CASS4: variants seen among roughly 807,000 people sequenced by gnomAD.
The protein encoded by CASS4 is cas scaffolding protein family member 4.
Under a neutral mutation model 54.2 loss-of-function variants are expected in CASS4, and 22 were observed. The observed-to-expected ratio is 0.41, with a 90% CI of 0.29 to 0.58. The LOEUF (loss-of-function observed/expected upper bound fraction) is 0.58. CASS4 is among the 20% of genes least tolerant of loss of function. The probability of loss-of-function intolerance (pLI) is 0.36; values close to 1 mark genes in which losing one functional copy is unlikely to be tolerated. For synonymous variants in CASS4, 409 were observed against 391.5 expected, an observed-to-expected ratio of 1.04 and a Z score of -0.53; for missense variants, 854 against 986.7, an observed-to-expected ratio of 0.87 and a Z score of 1.80.
chr20:56,444,920 G>T (rs554950056), intron 2 of CASS4, among the ~76,000 whole-genome samples: 7 of 152,140 alleles, frequency 4.6e-5, no homozygotes, highest in African/African-American at 1.7e-4. Context: ...AGACCAGCCC[G>T]ACCAATATGG....
rs993076041 is a variant in CASS4 at position 56,458,911 on chromosome 20, A to T, written c.*164A>T. 161 of 656,382 alleles carry T rather than the reference A, an allele frequency of 2.5e-4. No individual in the cohort carries two copies. Among genetic ancestry groups the T allele is most frequent in the Middle Eastern group, 8.3e-4 (2 of 2,396 alleles). The allele number at this position is 656,382 out of a possible 1,614,324, so 40.7% of individuals were successfully genotyped here. On this transcript the variant is annotated 3_prime_UTR_variant, in exon 6 of 6. Transcript: ENST00000679887. ...CCAAGTGGCTAAGCAACCCCAGGGC[A>T]TTGACTTACCCCGCAGGGGGTCAGG...
chr20:56,424,064 C>T (rs1368198930), intron 1 of CASS4, among the ~76,000 whole-genome samples: 1 of 152,170 alleles, frequency 6.6e-6, no homozygotes, highest in Non-Finnish European at 1.5e-5. Flanking sequence ...TTCCCTTCAG[C>T]ATCTCTCACT....
At chr20:56,440,050 A>T (rs1980384577) in intron 2 of CASS4, among the ~76,000 whole-genome samples, 1 of 152,238 alleles carries the variant, frequency 6.6e-6, no homozygotes, top group Non-Finnish European at 1.5e-5. Flanking sequence ...GAAAGTGTTG[A>T]TTCCTTAGAA....
Position 56,458,618 on chromosome 20 carries a change from C to G in CASS4, c.2232C>G (p.Leu744=). 6.2e-7 allele frequency: 1 copy of G among 1,613,990 alleles called. No individual in the cohort carries two copies. The highest frequency in any genetic ancestry group is 8.5e-7 in the Non-Finnish European group (1 of 1,179,976). ...LRGSSHLCSL[L]KDVALATKNA... is the part of the protein sequence containing the mutation. ...GCAGCAGTCACCTCTGCAGCCTGCT[C>G]AAGGACGTAGCGCTGGCCACTAAGA... The change falls in exon 6 of 6, where the codon CTC becomes CTG. Residue 744 remains leucine (L), a synonymous_variant. Coordinates refer to ENST00000679887, the MANE Select transcript of CASS4 (RefSeq NM_020356.4).
In CASS4 at chr20:56,452,431, G is replaced by T. The variant is rs953937721; in HGVS notation, c.1255G>T (p.Asp419Tyr). 1.2e-6 allele frequency: 2 copies of T among 1,613,942 alleles called. No homozygotes were observed. The highest frequency in any genetic ancestry group is 1.7e-5 in the Admixed American group (1 of 60,000). The change falls in exon 5 of 6, where the codon GAC (aspartate) becomes TAC (tyrosine). Residue 419 changes from aspartate to tyrosine, a missense_variant. Asp to Tyr is a radical substitution (Grantham distance 160, BLOSUM62 -3). Coordinates refer to ENST00000679887, the MANE Select transcript of CASS4 (RefSeq NM_020356.4). Reference protein sequence around the residue: ...IVSSCSTTSTDDSSSSSSEES... With the variant: ...IVSSCSTTSTYDSSSSSSEES... ...TTCCTCGTGCTCCACCACATCCACC[G>T]ACGACTCCTCCAGCTCTTCCTCGGA...
rs945476989 is a variant in CASS4, at chr20:56,459,326, T to C, written c.*579T>C. 2 of 173,434 alleles carry C rather than the reference T, an allele frequency of 1.2e-5. No individual in the cohort carries two copies. 10.7% of individuals were successfully genotyped at this position (173,434 alleles called of 1,614,324 possible). ...GAAAAAATATATTCCCAATAAAACA[T>C]GTACAATTCTCCAGAGAGCGGTGAC... On this transcript the variant is annotated 3_prime_UTR_variant, in exon 6 of 6. Transcript: ENST00000679887.
intron 1 of CASS4, among the ~76,000 whole-genome samples, chr20:56,427,392 T>A (rs563264038): frequency 5.6e-4 from 85 of 152,234 alleles, no homozygotes; most frequent in African/African-American, 2.0e-3. Flanking sequence ...AACTTTTTTT[T>A]AACATAATAT....
chr20:56,425,643 C>T (rs983472220), intron 1 of CASS4, among the ~76,000 whole-genome samples: 5 of 152,188 alleles, frequency 3.3e-5, no homozygotes, highest in East Asian at 3.9e-4. Flanking sequence ...TGCGTGGTAA[C>T]GACAAGCAGC....
chr20:56,449,310 G>C (rs1980879770), intron 3 of CASS4, among the ~76,000 whole-genome samples: 1 of 152,176 alleles, frequency 6.6e-6, no homozygotes, highest in South Asian at 2.1e-4. Flanking sequence ...TCCTTTGTAG[G>C]AACATGGATG....
intron 4 of CASS4, 90 bp downstream of exon 4, chr20:56,450,769 G>A (rs1454752307): frequency 8.0e-7 from 1 of 1,247,570 alleles, no homozygotes; most frequent in East Asian, 2.5e-5. Flanking sequence ...CACGGTGGCT[G>A]AAGCCTGTAA....
Position 56,437,036 on chromosome 20 carries a change from G to C in CASS4, c.37-128G>C. ...TCAAAGAGCAGGGACAAGAGCCTCT[G>C]GGGTGGAAGAAATGAAATGAAAGGG... is the stretch of plus-strand genomic sequence containing the variant. On this transcript the variant is annotated intron_variant, in intron 1 of 5. Coordinates refer to ENST00000679887, the MANE Select transcript of CASS4 (RefSeq NM_020356.4). The surrounding 1 kb of genome is among the most constrained non-coding windows in gnomAD (Gnocchi z 4.7). 1.2e-6 allele frequency: 1 copy of C among 848,684 alleles called. No homozygotes were observed. Among genetic ancestry groups the C allele is most frequent in the Non-Finnish European group, 1.8e-6 (1 of 549,956 alleles). The allele number at this position is 848,684 out of a possible 1,614,324, so 52.6% of individuals were successfully genotyped here. A position where few individuals can be genotyped will look rare whatever the true frequency, so the allele number is the denominator to read the frequency against.
chr20:56,438,901 A>T (rs1353967969), intron 2 of CASS4, among the ~76,000 whole-genome samples: 1 of 152,214 alleles, frequency 6.6e-6, no homozygotes, highest in African/African-American at 2.4e-5. Context: ...GGAATTCTGT[A>T]TGTGAGTGTG....
chr20:56,440,099 C>T (rs938499151), intron 2 of CASS4, among the ~76,000 whole-genome samples: 2 of 152,210 alleles, frequency 1.3e-5, no homozygotes, highest in Admixed American at 6.5e-5. Flanking sequence ...CCCTGGGCTA[C>T]AAGACATAGA....
Position 56,437,352 on chromosome 20 carries a change from T to A in CASS4, c.225T>A (p.Ala75=), listed in dbSNP as rs1192836161. The A allele has an allele frequency of 3.1e-6, 5 of 1,614,008 alleles. No individual in the cohort carries two copies. The highest frequency in any genetic ancestry group is 2.2e-5 in the South Asian group (2 of 91,046). The change falls in exon 2 of 6, where the codon GCT becomes GCA. Residue 75 remains alanine, a synonymous_variant. Coordinates refer to ENST00000679887, the MANE Select transcript of CASS4 (RefSeq NM_020356.4). This position sits in a 1 kb window ranked among gnomAD's most constrained non-coding sequence, Gnocchi z 4.7. ...ANRLQILTEV[A]ADRPCPPFLR... is the part of the protein sequence containing the mutation. ...GCCTCCAAATCCTCACGGAGGTCGC[T>A]GCAGACAGGCCGTGCCCCCCATTCC...
chr20:56,438,990 T>G (rs149556703), intron 2 of CASS4, among the ~76,000 whole-genome samples: 29 of 152,348 alleles, frequency 1.9e-4, no homozygotes, highest in African/African-American at 7.0e-4. Flanking sequence ...GGGAACTGGT[T>G]AAAGAGAAAG....
At chr20:56,429,100 A>G (rs1036111261) in intron 1 of CASS4, among the ~76,000 whole-genome samples, 11 of 152,254 alleles carry the variant, frequency 7.2e-5, no homozygotes, top group African/African-American at 2.4e-4. Flanking sequence ...TTTCCATCCC[A>G]GGAACAGGGA....
At chr20:56,444,948 T>A (rs928075927) in intron 2 of CASS4, among the ~76,000 whole-genome samples, 7 of 152,062 alleles carry the variant, frequency 4.6e-5, no homozygotes, top group African/African-American at 1.7e-4. Context: ...CTGTCTCTAC[T>A]GAAAACACAA....
At chr20:56,422,404 A>G (rs1979454789) in intron 1 of CASS4, among the ~76,000 whole-genome samples, 1 of 152,206 alleles carries the variant, frequency 6.6e-6, no homozygotes, top group Admixed American at 6.5e-5. Flanking sequence ...CCCGGTGTAT[A>G]TTGTCAGACA....
At chr20:56,433,215 C>T (rs1979999151) in intron 1 of CASS4, among the ~76,000 whole-genome samples, 1 of 152,146 alleles carries the variant, frequency 6.6e-6, no homozygotes, top group Non-Finnish European at 1.5e-5. Context: ...ATGGGGAGAA[C>T]TAGTTTGGTC....
Sources: gnomAD v4.1 joint callset for allele counts (sites outside exome capture counted in the v4.1 genomes callset) on GRCh38, gnomAD v4.1.1 for gene constraint, Gnocchi (gnomAD v3.1) non-coding constraint, MANE v1.5 for transcripts, NCBI Gene and HGNC (gene_info 2026-07-23, HGNC 2026-07-21) for gene names.